PSMA1: variants seen among roughly 807,000 people sequenced by gnomAD.
The protein encoded by PSMA1 is proteasome 20S subunit alpha 1.
A neutral mutation model predicts 38.4 loss-of-function variants in PSMA1; 3 were observed. That is an observed-to-expected ratio of 0.08 (90% confidence interval 0.04 to 0.20). The LOEUF (loss-of-function observed/expected upper bound fraction) is 0.20. PSMA1 is among the 10% of genes least tolerant of loss of function. The pLI is 1.00. For missense variants in PSMA1, 227 were observed against 325.3 expected (o/e 0.70, Z 2.32); for synonymous variants, 101 against 107.1 (o/e 0.94, Z 0.35).
At chr11:14,617,253 G>A (rs1171586849) in intron 1 of PSMA1, among the ~76,000 whole-genome samples, 1 of 152,102 alleles carries the variant, frequency 6.6e-6, no homozygotes, top group Non-Finnish European at 1.5e-5. Flanking sequence ...TTCTCCATCT[G>A]GAAGGAAACA....
At chr11:14,599,411 A>G (rs1444093864) in intron 2 of PSMA1, among the ~76,000 whole-genome samples, 1 of 152,154 alleles carries the variant, frequency 6.6e-6, no homozygotes, top group Admixed American at 6.5e-5. Context: ...ACATAGTCCC[A>G]TATTTCTTGG....
At chr11:14,554,270 C>G (rs1401891773) in intron 2 of PSMA1, among the ~76,000 whole-genome samples, 1 of 152,070 alleles carries the variant, frequency 6.6e-6, no homozygotes, top group Admixed American at 6.6e-5. Flanking sequence ...CTGTGTCTGT[C>G]TTCATTCTCT....
At chr11:14,544,853 A>G (rs1043956018) in intron 2 of PSMA1, among the ~76,000 whole-genome samples, 3 of 152,234 alleles carry the variant, frequency 2.0e-5, no homozygotes, top group East Asian at 1.9e-4. Flanking sequence ...AATTGAAAAC[A>G]TATATCCACC....
upstream of PSMA1, among the ~76,000 whole-genome samples, chr11:14,522,286 CAATT>C (rs1391249761): frequency 2.0e-5 from 3 of 152,062 alleles, no homozygotes; most frequent in Non-Finnish European, 2.9e-5. Flanking sequence ...GTGTGCAATT[CAATT>C]GTTTCCAAGT....
intron 1 of PSMA1, among the ~76,000 whole-genome samples, chr11:14,633,846 C>T (rs953730402): frequency 3.3e-5 from 5 of 152,124 alleles, no homozygotes; most frequent in Non-Finnish European, 4.4e-5. Context: ...CGTGATGCGC[C>T]GTTTTTTAAG....
At chr11:14,607,158 G>C (rs1258288230) in intron 2 of PSMA1, among the ~76,000 whole-genome samples, 1 of 152,260 alleles carries the variant, frequency 6.6e-6, no homozygotes, top group Non-Finnish European at 1.5e-5. Flanking sequence ...TTGGCAGAGA[G>C]CCGACAGGAG....
intron 2 of PSMA1, among the ~76,000 whole-genome samples, chr11:14,577,463 GT>G (rs1852232285): frequency 6.6e-6 from 1 of 152,000 alleles, no homozygotes. Context: ...CACTTCCACT[GT>G]CATACTGTGA....
intron 2 of PSMA1, among the ~76,000 whole-genome samples, chr11:14,533,205 T>C (rs559744052): frequency 6.6e-5 from 10 of 152,356 alleles, no homozygotes; most frequent in Admixed American, 2.6e-4. Context: ...TTAGTTATCA[T>C]TGAGCATTTC....
chr11:14,558,112 A>G (rs968272113), intron 2 of PSMA1, among the ~76,000 whole-genome samples: 1 of 152,042 alleles, frequency 6.6e-6, no homozygotes, highest in Non-Finnish European at 1.5e-5. Flanking sequence ...AAGGATAATC[A>G]TATTAAAAGT....
At chr11:14,541,650 G>C (rs1406355529) in intron 2 of PSMA1, among the ~76,000 whole-genome samples, 1 of 152,214 alleles carries the variant, frequency 6.6e-6, no homozygotes, top group Non-Finnish European at 1.5e-5. Context: ...AGGCAGAAAA[G>C]CTGGAGAAAG....
intron 2 of PSMA1, chr11:14,610,931 T>C: frequency 6.2e-7 from 1 of 1,603,760 alleles, no homozygotes; most frequent in Non-Finnish European, 8.5e-7. Context: ...AATCTATGCA[T>C]TCTGTGTTTT....
chr11:14,630,377 G>T (rs2133718382), intron 1 of PSMA1, among the ~76,000 whole-genome samples: 1 of 152,310 alleles, frequency 6.6e-6, no homozygotes, highest in South Asian at 2.1e-4. Context: ...AGCATGAAGG[G>T]TTGTTGAATT....
At chr11:14,522,296 CA>C (rs1205042078), upstream of PSMA1, among the ~76,000 whole-genome samples, 1 of 151,854 alleles carries the variant, frequency 6.6e-6, no homozygotes, top group Non-Finnish European at 1.5e-5. Context: ...CAATTGTTTC[CA>C]AGTTATTGGT....
chr11:14,549,879 G>A (rs933191413), intron 2 of PSMA1, among the ~76,000 whole-genome samples: 4 of 152,162 alleles, frequency 2.6e-5, no homozygotes, highest in Non-Finnish European at 4.4e-5. Context: ...TGCTCCAATG[G>A]CAAGAGGATG....
intron 2 of PSMA1, among the ~76,000 whole-genome samples, chr11:14,573,311 A>C (rs1428290009): frequency 6.6e-6 from 1 of 152,226 alleles, no homozygotes; most frequent in Non-Finnish European, 1.5e-5. Context: ...AAGCTTATCC[A>C]CCATGATCAA....
At chr11:14,641,174 T>C (rs962061579) in intron 1 of PSMA1, among the ~76,000 whole-genome samples, 1 of 149,016 alleles carries the variant, frequency 6.7e-6, no homozygotes, top group African/African-American at 2.5e-5. Flanking sequence ...ACTTAAAGTA[T>C]AATAATAATT....
rs145120781 is a variant in PSMA1, at chr11:14,618,177, G to A, written c.-165-7026C>T. On this transcript the variant is annotated intron_variant, in intron 1 of 10. Transcript: ENST00000418988. ...TGCTGTCTGATAGCATGTAATTATCGAGAAATGTGATTATTCCTCTTACTT... is the reference window on the plus strand; with the variant it reads ...TGCTGTCTGATAGCATGTAATTATCAAGAAATGTGATTATTCCTCTTACTT... Among the ~76,000 whole-genome samples the A allele has an allele frequency of 6.6e-5, 10 of 152,142 alleles. No individual in the cohort carries two copies. The East Asian group carries it at 1.9e-3, about 29-fold the overall frequency.
At chr11:14,593,926 C>A (rs1316846225) in intron 2 of PSMA1, among the ~76,000 whole-genome samples, 3 of 152,200 alleles carry the variant, frequency 2.0e-5, no homozygotes, top group African/African-American at 7.2e-5. Flanking sequence ...GCCAATTGCT[C>A]CCCTCACCAG....
rs145164050 is a variant in PSMA1 at position 14,537,116 on chromosome 11, T to C, written c.22-18075A>G. Among the ~76,000 whole-genome samples the C allele has an allele frequency of 4.6e-5, 7 of 152,348 alleles. No individual in the cohort carries two copies. The East Asian group carries it at 1.3e-3, about 29-fold the overall frequency. On this transcript the variant is annotated intron_variant, in intron 2 of 10. Transcript: ENST00000418988. ...AAAAATTCAATCCTTAGTCTGCCAATAGACCAATAATTCCTAAGATATTGT... is the reference window on the plus strand; with the variant it reads ...AAAAATTCAATCCTTAGTCTGCCAACAGACCAATAATTCCTAAGATATTGT...
Sources: gnomAD v4.1 joint callset for allele counts (sites outside exome capture counted in the v4.1 genomes callset) on GRCh38, gnomAD v4.1.1 for gene constraint, MANE v1.5 for transcripts, NCBI Gene and HGNC (gene_info 2026-07-23, HGNC 2026-07-21) for gene names.